NDST4: variants seen among roughly 807,000 people sequenced by gnomAD.
The protein encoded by NDST4 is N-deacetylase and N-sulfotransferase 4.
Under a neutral mutation model 100.8 loss-of-function variants are expected in NDST4, and 63 were observed. The ratio of observed to expected loss-of-function variants is 0.62; its 90% CI spans 0.51 to 0.77. The LOEUF is 0.77. Ranked by LOEUF, NDST4 falls within the 30% of genes least tolerant of loss-of-function variation. The probability of loss-of-function intolerance (pLI) is 0.00; values close to 1 mark genes in which losing one functional copy is unlikely to be tolerated. For synonymous variants in NDST4, 377 were observed against 361.8 expected (o/e 1.04, Z -0.48); for missense variants, 943 against 1,018.4 (o/e 0.93, Z 1.01).
chr4:114,858,529 G>T (rs753023735), intron 7 of NDST4, among the ~76,000 whole-genome samples: 2 of 152,198 alleles, frequency 1.3e-5, no homozygotes, highest in Non-Finnish European at 2.9e-5. Flanking sequence ...GAAAGATACA[G>T]TTGAGGTACC....
chr4:114,897,188 T>C (rs1724733893), intron 6 of NDST4, among the ~76,000 whole-genome samples: 1 of 152,138 alleles, frequency 6.6e-6, no homozygotes, highest in Admixed American at 6.5e-5. Context: ...TATTATAGTA[T>C]ACATAATAGT....
intron 3 of NDST4, among the ~76,000 whole-genome samples, chr4:114,975,230 T>C (rs115799999): frequency 0.015 from 2,276 of 152,190 alleles, 67 homozygotes; most frequent in African/African-American, 0.052. Flanking sequence ...AAATATGTTA[T>C]AGGTGCATTT....
chr4:114,965,069 T>C (rs548042315), intron 4 of NDST4, among the ~76,000 whole-genome samples: 9 of 152,266 alleles, frequency 5.9e-5, no homozygotes, highest in African/African-American at 2.2e-4. Flanking sequence ...TATTTATTCA[T>C]TGTGAATTTT....
intron 6 of NDST4, among the ~76,000 whole-genome samples, chr4:114,907,833 G>GA (rs1422015818): frequency 2.6e-5 from 4 of 151,900 alleles, no homozygotes; most frequent in South Asian, 4.1e-4. Flanking sequence ...ATAGGCATGA[G>GA]AAAAAAAGGC....
intron 2 of NDST4, among the ~76,000 whole-genome samples, chr4:114,980,733 A>G (rs1726749370): frequency 6.6e-6 from 1 of 152,156 alleles, no homozygotes. Context: ...AGTCTGCATG[A>G]CATAACAAAC....
chr4:115,052,524 T>C (rs1326519322), intron 2 of NDST4, among the ~76,000 whole-genome samples: 1 of 152,044 alleles, frequency 6.6e-6, no homozygotes, highest in Non-Finnish European at 1.5e-5. Context: ...CTTCCCCATA[T>C]TGTTCTCCTG....
intron 2 of NDST4, among the ~76,000 whole-genome samples, chr4:114,989,279 T>G (rs1726984715): frequency 6.6e-6 from 1 of 152,212 alleles, no homozygotes; most frequent in Non-Finnish European, 1.5e-5. Context: ...GTATAATTAT[T>G]TTCTGTATGA....
intron 6 of NDST4, among the ~76,000 whole-genome samples, chr4:114,918,040 G>A (rs1165956260): frequency 6.6e-6 from 1 of 152,100 alleles, no homozygotes; most frequent in Non-Finnish European, 1.5e-5. Flanking sequence ...TGCAGATTTT[G>A]CTCTCATAGT....
intron 6 of NDST4, among the ~76,000 whole-genome samples, chr4:114,898,679 T>C (rs1724768844): frequency 6.6e-6 from 1 of 152,212 alleles, no homozygotes; most frequent in African/African-American, 2.4e-5. Flanking sequence ...ATGGAATAAT[T>C]CTCCATTAAT....
intron 4 of NDST4, 99 bp downstream of exon 4, chr4:114,970,331 T>C: frequency 9.6e-7 from 1 of 1,041,268 alleles, no homozygotes; most frequent in South Asian, 1.8e-5. Flanking sequence ...TTATATTTTA[T>C]TCTATTTCTA....
chr4:114,952,138 G>T (rs2126232438), intron 4 of NDST4, among the ~76,000 whole-genome samples: 1 of 152,188 alleles, frequency 6.6e-6, no homozygotes, highest in South Asian at 2.1e-4. Context: ...CAGAAAGAAT[G>T]ATTTTTAAGG....
chr4:114,889,611 A>C (rs538338075), intron 6 of NDST4, among the ~76,000 whole-genome samples: 1 of 152,332 alleles, frequency 6.6e-6, no homozygotes, highest in Non-Finnish European at 1.5e-5. Context: ...ATCCTTATGG[A>C]ACTTTACAAA....
chr4:114,981,617 T>C (rs1164495909), intron 2 of NDST4, among the ~76,000 whole-genome samples: 1 of 152,178 alleles, frequency 6.6e-6, no homozygotes, highest in Non-Finnish European at 1.5e-5. Flanking sequence ...AAAATCTGTT[T>C]TTAACAATGA....
Position 114,922,130 on chromosome 4 carries a change from C to T in NDST4, c.1536+13076G>A, listed in dbSNP as rs188089748. 1.9e-3 allele frequency among the ~76,000 whole-genome samples: 289 copies of T among 152,242 alleles called. 1 individual carries two copies. The highest frequency in any genetic ancestry group is 6.8e-3 in the Middle Eastern group (2 of 294). ...TTAACTGTCTCTCTAAAATAATAATCGGTTGCAGCAGTGCCAGGGAAAGGC... is the reference window on the plus strand; with the variant it reads ...TTAACTGTCTCTCTAAAATAATAATTGGTTGCAGCAGTGCCAGGGAAAGGC... On this transcript the variant is annotated intron_variant, in intron 6 of 13. Coordinates refer to ENST00000264363, the MANE Select transcript of NDST4 (RefSeq NM_022569.3).
At chr4:115,001,148 G>C (rs2126255842) in intron 2 of NDST4, among the ~76,000 whole-genome samples, 1 of 152,100 alleles carries the variant, frequency 6.6e-6, no homozygotes, top group Non-Finnish European at 1.5e-5. Flanking sequence ...TTATTTACTT[G>C]TTAGAGTGAT....
intron 1 of NDST4, among the ~76,000 whole-genome samples, chr4:115,090,529 T>G (rs6533832): frequency 0.35 from 53,579 of 151,796 alleles, 11,625 homozygotes; most frequent in Non-Finnish European, 0.5. Flanking sequence ...TAAAACAGAT[T>G]TGTTAATTAT....
intron 2 of NDST4, among the ~76,000 whole-genome samples, chr4:115,046,497 A>T (rs536184079): frequency 6.6e-6 from 1 of 152,250 alleles, no homozygotes; most frequent in East Asian, 1.9e-4. Context: ...AAGGTGAGAA[A>T]CTGTTTGGAG....
At chr4:114,999,170 C>T (rs983943472) in intron 2 of NDST4, among the ~76,000 whole-genome samples, 14 of 152,000 alleles carry the variant, frequency 9.2e-5, no homozygotes, top group African/African-American at 2.4e-4. Context: ...ATTAGTTGTG[C>T]GTTTTTGTGA....
chr4:114,940,102 C>G (rs1282300533), intron 4 of NDST4, among the ~76,000 whole-genome samples: 1 of 152,126 alleles, frequency 6.6e-6, no homozygotes, highest in Non-Finnish European at 1.5e-5. Flanking sequence ...ACTTGAGACT[C>G]TATAAATATA....
Sources: gnomAD v4.1 joint callset for allele counts (sites outside exome capture counted in the v4.1 genomes callset) on GRCh38, gnomAD v4.1.1 for gene constraint, MANE v1.5 for transcripts, NCBI Gene and HGNC (gene_info 2026-07-23, HGNC 2026-07-21) for gene names.